The following SYT17 variants were observed in gnomAD, a reference collection of about 807,000 sequenced individuals.
SYT17 encodes synaptotagmin-17.
In SYT17, 22 loss-of-function variants were observed where a neutral mutation model predicts 46.7. The ratio of observed to expected loss-of-function variants is 0.47; its 90% CI spans 0.34 to 0.67. The LOEUF is 0.67. SYT17 is among the 30% of genes least tolerant of loss of function. SYT17 has a pLI of 0.01. For synonymous variants in SYT17, 251 were observed against 248.4 expected (o/e 1.01, Z -0.10); for missense variants, 519 against 612.8 (o/e 0.85, Z 1.62).
At chr16:19,192,957 A>G (rs933638438) in intron 5 of SYT17, among the ~76,000 whole-genome samples, 7 of 152,182 alleles carry the variant, frequency 4.6e-5, no homozygotes, top group East Asian at 1.9e-4. Flanking sequence ...ACTTGAGCCA[A>G]TGGGCTGGGA....
At chr16:19,256,632 G>A (rs1363367248) in intron 7 of SYT17, among the ~76,000 whole-genome samples, 6 of 151,816 alleles carry the variant, frequency 4.0e-5, no homozygotes, top group Non-Finnish European at 7.4e-5. Flanking sequence ...AGGCTGGAGT[G>A]CAGTGGTATG....
At chr16:19,221,691 C>T (rs1966324457) in intron 5 of SYT17, among the ~76,000 whole-genome samples, 1 of 151,916 alleles carries the variant, frequency 6.6e-6, no homozygotes, top group African/African-American at 2.4e-5. Context: ...TTGTGCTAGG[C>T]ATTTGGCATT....
chr16:19,172,314 CG>C, intron 1 of SYT17: 1 of 1,317,790 alleles, frequency 7.6e-7, no homozygotes, highest in Non-Finnish European at 9.6e-7. Flanking sequence ...TCCGGGAGGG[CG>C]GGGGAGCCAA....
intron 6 of SYT17, 105 bp from the exon 7 acceptor site, chr16:19,224,578 T>C (rs547497381): frequency 4.0e-6 from 5 of 1,261,224 alleles, no homozygotes; most frequent in Non-Finnish European, 5.6e-6. Context: ...GATAGAAGAA[T>C]GGAGGAATAA....
intron 7 of SYT17, among the ~76,000 whole-genome samples, chr16:19,262,408 C>T (rs761522119): frequency 4.6e-5 from 7 of 152,186 alleles, no homozygotes; most frequent in Non-Finnish European, 8.8e-5. Context: ...TGATCTGGGA[C>T]TTCCTAGCTT....
At chr16:19,191,097 G>A (rs991605657) in intron 5 of SYT17, among the ~76,000 whole-genome samples, 1 of 151,844 alleles carries the variant, frequency 6.6e-6, no homozygotes, top group African/African-American at 2.4e-5. Flanking sequence ...CATTAGGAAG[G>A]ATACACAGTT....
At chr16:19,228,764 A>T (rs1966582408) in intron 7 of SYT17, among the ~76,000 whole-genome samples, 1 of 152,220 alleles carries the variant, frequency 6.6e-6, no homozygotes. Flanking sequence ...ACTCAGATTC[A>T]TAAGGTTCTA....
intron 5 of SYT17, among the ~76,000 whole-genome samples, chr16:19,217,319 A>G (rs1359311359): frequency 6.6e-6 from 1 of 152,122 alleles, no homozygotes; most frequent in Non-Finnish European, 1.5e-5. Flanking sequence ...AATGTTCCAT[A>G]TGGAACATTC....
intron 5 of SYT17, among the ~76,000 whole-genome samples, chr16:19,188,027 T>C (rs1209208554): frequency 6.6e-6 from 1 of 152,202 alleles, no homozygotes; most frequent in Non-Finnish European, 1.5e-5. Context: ...TAAAGACACA[T>C]GCATGCGTTA....
intron 5 of SYT17, among the ~76,000 whole-genome samples, chr16:19,210,378 A>T (rs1053598781): frequency 6.6e-6 from 1 of 151,438 alleles, no homozygotes; most frequent in East Asian, 1.9e-4. Flanking sequence ...CAAACATTGA[A>T]TTTTTTCCTT....
chr16:19,188,372 A>G (rs1407218860), intron 5 of SYT17, among the ~76,000 whole-genome samples: 1 of 152,022 alleles, frequency 6.6e-6, no homozygotes, highest in Non-Finnish European at 1.5e-5. Flanking sequence ...ATCAGGAAAA[A>G]CAACTAATGG....
At chr16:19,211,206 C>T in intron 5 of SYT17, 1 of 478,924 alleles carries the variant, frequency 2.1e-6, no homozygotes, top group South Asian at 4.3e-5. Context: ...TGTGACATCG[C>T]TTCCACAAGG....
At chr16:19,205,094 T>C (rs1404524157) in intron 5 of SYT17, among the ~76,000 whole-genome samples, 1 of 152,214 alleles carries the variant, frequency 6.6e-6, no homozygotes, top group African/African-American at 2.4e-5. Flanking sequence ...TTCCTTTGCA[T>C]TGCATTTCTC....
rs755238209 is a variant in SYT17, at chr16:19,223,059, G to C, written c.966G>C (p.Leu322=). The part of the protein sequence containing the change: ...LIPSSQNEVE[L]GELLLSLNYL... ...TTTCTCTACAGAATGAAGTGGAGCT[G>C]GGGGAGCTGCTTCTGTCACTGAATT... Residue 322 remains leucine, a synonymous_variant, in exon 6 of 8, where the codon CTG becomes CTC. Transcript: ENST00000355377. 21 of 1,614,004 alleles carry C rather than the reference G, an allele frequency of 1.3e-5. No homozygotes were observed. Among genetic ancestry groups the C allele is most frequent in the Non-Finnish European group, 1.8e-5 (21 of 1,179,928 alleles).
At chr16:19,220,856 G>A (rs1036109644) in intron 5 of SYT17, among the ~76,000 whole-genome samples, 2 of 152,120 alleles carry the variant, frequency 1.3e-5, no homozygotes, top group Admixed American at 1.3e-4. Flanking sequence ...TTTTGCTGGA[G>A]ACAGGCCAGG....
chr16:19,259,683 T>C (rs1968823999), intron 7 of SYT17, among the ~76,000 whole-genome samples: 1 of 46,074 alleles, frequency 2.2e-5, no homozygotes, highest in African/African-American at 5.2e-5. Context: ...AATGTTTTGA[T>C]TTTTTTTTTT....
At chr16:19,217,984 G>T (rs1319535022) in intron 5 of SYT17, among the ~76,000 whole-genome samples, 2 of 152,238 alleles carry the variant, frequency 1.3e-5, no homozygotes, top group East Asian at 3.9e-4. Context: ...CTTGTGTAAG[G>T]GTTAACCATG....
chr16:19,258,272 G>T (rs549919500), intron 7 of SYT17, among the ~76,000 whole-genome samples: 1 of 152,212 alleles, frequency 6.6e-6, no homozygotes, highest in African/African-American at 2.4e-5. Flanking sequence ...GTGGGAGGTG[G>T]GGGGCGGGAA....
chr16:19,168,382 G>A lies in SYT17; in HGVS notation c.-265G>A. On this transcript the variant is annotated 5_prime_UTR_variant, in exon 1 of 8. Transcript: ENST00000355377. This position sits in a 1 kb window ranked among gnomAD's most constrained non-coding sequence, Gnocchi z 6.9. Reference sequence around the variant, plus strand: ...GTGGGGAGCACGGGACAGCGAGGGAGGCCGAGGCGGGGGCCCTGGGCGCCC... The same window carrying A: ...GTGGGGAGCACGGGACAGCGAGGGAAGCCGAGGCGGGGGCCCTGGGCGCCC... The A allele has an allele frequency of 1.8e-6, 1 of 546,968 alleles. No individual in the cohort carries two copies. Among genetic ancestry groups the A allele is most frequent in the Non-Finnish European group, 3.2e-6 (1 of 311,578 alleles). The allele number at this position is 546,968 out of a possible 1,614,324, so 33.9% of individuals were successfully genotyped here. A position where few individuals can be genotyped will look rare whatever the true frequency, so the allele number is the denominator to read the frequency against.
Sources: gnomAD v4.1 joint callset for allele counts (sites outside exome capture counted in the v4.1 genomes callset) on GRCh38, gnomAD v4.1.1 for gene constraint, Gnocchi (gnomAD v3.1) non-coding constraint, MANE v1.5 for transcripts, NCBI Gene and HGNC (gene_info 2026-07-23, HGNC 2026-07-21) for gene names.